HADH: variants seen among roughly 807,000 people sequenced by gnomAD.
HADH encodes the protein hydroxyacyl-CoA dehydrogenase.
Under a neutral mutation model 32.2 loss-of-function variants are expected in HADH, and 24 were observed. That is an observed-to-expected ratio of 0.75 (90% CI 0.54 to 1.05). HADH has a LOEUF of 1.05. Among genes scored for constraint, HADH ranks in the 50% least tolerant of loss-of-function variants. The pLI is 0.00. For synonymous variants in HADH, 139 were observed against 152.5 expected (o/e 0.91, Z 0.65); for missense variants, 350 against 397.1 (o/e 0.88, Z 1.01).
intron 6 of HADH, chr4:108,032,337 G>C: frequency 6.2e-7 from 1 of 1,600,782 alleles, no homozygotes; most frequent in Non-Finnish European, 8.5e-7. Context: ...ACTTCCAAAC[G>C]TGTGGTGATT....
chr4:108,028,098 G>C (rs1435730158), intron 6 of HADH: 1 of 367,640 alleles, frequency 2.7e-6, no homozygotes, highest in Non-Finnish European at 5.0e-6. Flanking sequence ...TAATCATAAT[G>C]TAAAAATCAC....
At chr4:108,008,486 T>C (rs1363596794) in intron 1 of HADH, among the ~76,000 whole-genome samples, 1 of 152,232 alleles carries the variant, frequency 6.6e-6, no homozygotes, top group Non-Finnish European at 1.5e-5. Context: ...AATCTTGCCT[T>C]GGGATTTGAA....
At chr4:108,030,368 T>C (rs1323343332) in intron 6 of HADH, 2 of 152,772 alleles carry the variant, frequency 1.3e-5, no homozygotes, top group African/African-American at 4.8e-5. Context: ...AGGTGTTTTC[T>C]TTCCCTTACT....
intron 1 of HADH, among the ~76,000 whole-genome samples, chr4:108,001,759 T>A (rs13136813): frequency 0.87 from 131,968 of 152,268 alleles, 58,072 homozygotes; most frequent in East Asian, 0.97. Context: ...ACAGGACAAT[T>A]CAAGATTGCA....
chr4:107,993,378 T>C (rs1253135793), intron 1 of HADH, among the ~76,000 whole-genome samples: 1 of 152,210 alleles, frequency 6.6e-6, no homozygotes, highest in Non-Finnish European at 1.5e-5. Flanking sequence ...CATTTTATTG[T>C]TAAACTTTAG....
At chr4:108,002,561 A>G (rs553883858) in intron 1 of HADH, among the ~76,000 whole-genome samples, 1 of 152,312 alleles carries the variant, frequency 6.6e-6, no homozygotes, top group South Asian at 2.1e-4. Flanking sequence ...CAATCAATGT[A>G]ATGCACTTGA....
intron 6 of HADH, chr4:108,028,807 C>A (rs1736155594): frequency 2.5e-6 from 1 of 397,778 alleles, no homozygotes; most frequent in African/African-American, 2.1e-5. Context: ...AGAGATCCAC[C>A]TTTTAATGGT....
intron 6 of HADH, chr4:108,029,688 G>A (rs1736192766): frequency 6.6e-6 from 1 of 152,406 alleles, no homozygotes; most frequent in Admixed American, 6.5e-5. Flanking sequence ...TTGTAGGTCA[G>A]GCCTCCTGGA....
chr4:108,004,621 A>G, intron 1 of HADH: 1 of 1,492,058 alleles, frequency 6.7e-7, no homozygotes, highest in East Asian at 2.6e-5. Flanking sequence ...ATTCAGGAGG[A>G]GTAACTGGAA....
chr4:108,021,713 G>A (rs1735892398), intron 4 of HADH, among the ~76,000 whole-genome samples: 1 of 152,138 alleles, frequency 6.6e-6, no homozygotes, highest in South Asian at 2.1e-4. Flanking sequence ...ATAGTCAGCA[G>A]TGTTTGTCCC....
At chr4:108,016,185 T>A (rs897827073) in intron 3 of HADH, among the ~76,000 whole-genome samples, 2 of 152,168 alleles carry the variant, frequency 1.3e-5, no homozygotes, top group Admixed American at 6.5e-5. Context: ...TGATCAGTGC[T>A]CTTCTAGTGA....
intron 3 of HADH, 126 bp from the exon 4 acceptor site, chr4:108,019,414 T>C: frequency 1.2e-6 from 1 of 822,172 alleles, no homozygotes; most frequent in Non-Finnish European, 2.1e-6. Context: ...TTCTCCCTCA[T>C]TCCCCCAATG....
chr4:108,019,179 G>C lies in HADH; in HGVS notation c.420-361G>C, dbSNP rs184809932. Among the ~76,000 whole-genome samples, 436 of 152,102 alleles carry C rather than the reference G, an allele frequency of 2.9e-3. 3 individuals carry two copies. The highest frequency in any genetic ancestry group is 0.017 in the Middle Eastern group (5 of 294). ...GATCACTGAGTTTCGTTTGTGACTG[G>C]GGTTGGTTAAGTAGCTTGATCAATT... On this transcript the variant is annotated intron_variant, in intron 3 of 7. Coordinates refer to ENST00000309522, the MANE Select transcript of HADH (RefSeq NM_005327.7).
rs149378373 is a variant in HADH at position 108,033,535 on chromosome 4, T to C, written c.826+243T>C. ...ATGGATTCACAGGAAGTTACAAATA[T>C]AGCACAGACAGGTCTTGTGTGTGTG... On this transcript the variant is annotated intron_variant, in intron 7 of 7. Coordinates refer to ENST00000309522, the MANE Select transcript of HADH (RefSeq NM_005327.7). 2.6e-5 allele frequency among the ~76,000 whole-genome samples: 4 copies of C among 152,272 alleles called. No homozygotes were observed. The East Asian group carries it at 7.7e-4, about 29-fold the overall frequency.
chr4:108,007,398 T>C (rs926627047), intron 1 of HADH, among the ~76,000 whole-genome samples: 1 of 152,220 alleles, frequency 6.6e-6, no homozygotes, highest in Non-Finnish European at 1.5e-5. Flanking sequence ...TGAGCCACTG[T>C]GCCTGGCAAG....
chr4:108,019,603 C>T lies in HADH; in HGVS notation c.483C>T (p.Thr161=). 1 of 1,614,014 alleles carries T rather than the reference C, an allele frequency of 6.2e-7. No homozygotes were observed. Among genetic ancestry groups the T allele is most frequent in the South Asian group, 1.1e-5 (1 of 91,086 alleles). ...LQITSIANAT[T]RQDRFAGLHF... is the part of the protein sequence containing the mutation. Reference sequence around the variant, plus strand: ...TTACAAGCATAGCTAATGCCACCACCAGACAAGACCGATTCGCTGGCCTCC... The same window carrying T: ...TTACAAGCATAGCTAATGCCACCACTAGACAAGACCGATTCGCTGGCCTCC... The change falls in exon 4 of 8, where the codon ACC becomes ACT. Residue 161 remains threonine (T), a synonymous_variant. Transcript: ENST00000309522.
In HADH at chr4:108,013,972, G is replaced by A. The variant is rs534041419; in HGVS notation, c.262-459G>A. 7.2e-5 allele frequency among the ~76,000 whole-genome samples: 11 copies of A among 152,066 alleles called. No individual in the cohort carries two copies. The South Asian group carries it at 2.1e-3, about 29-fold the overall frequency. On this transcript the variant is annotated intron_variant, in intron 2 of 7. Coordinates refer to ENST00000309522, the MANE Select transcript of HADH (RefSeq NM_005327.7). ...AAATTACACTATGAAATAAAATGGCGGCTTATAGAGGCACCATCTCCAATT... is the reference window on the plus strand; with the variant it reads ...AAATTACACTATGAAATAAAATGGCAGCTTATAGAGGCACCATCTCCAATT...
intron 5 of HADH, 64 bp downstream of exon 5, chr4:108,023,627 G>C: frequency 1.1e-6 from 1 of 923,032 alleles, no homozygotes; most frequent in Non-Finnish European, 1.8e-6. Context: ...ACTTGTTCCT[G>C]GTAGAATTCT....
At chr4:108,009,200 A>G (rs1735393643) in intron 1 of HADH, among the ~76,000 whole-genome samples, 1 of 152,192 alleles carries the variant, frequency 6.6e-6, no homozygotes, top group African/African-American at 2.4e-5. Context: ...TAAGGGCTGT[A>G]GAAGAGAGAA....
Sources: gnomAD v4.1 joint callset for allele counts (sites outside exome capture counted in the v4.1 genomes callset) on GRCh38, gnomAD v4.1.1 for gene constraint, MANE v1.5 for transcripts, NCBI Gene and HGNC (gene_info 2026-07-23, HGNC 2026-07-21) for gene names.